Variants in ERH observed in about 807,000 individuals in gnomAD.
ERH encodes the protein ERH mRNA splicing and mitosis factor.
Under a neutral mutation model 16.8 loss-of-function variants are expected in ERH, and 1 was observed. The observed-to-expected ratio is 0.06, with a 90% CI of 0.02 to 0.28. The LOEUF is 0.28. Ranked by LOEUF, ERH falls within the 10% of genes least tolerant of loss-of-function variation. The pLI is 1.00. For synonymous variants in ERH, 43 were observed against 43.6 expected, an observed-to-expected ratio of 0.99 and a Z score of 0.05; for missense variants, 42 against 127.5, an observed-to-expected ratio of 0.33 and a Z score of 3.23.
chr14:69,391,924 A>G (rs992287761), intron 2 of ERH, among the ~76,000 whole-genome samples: 9 of 152,310 alleles, frequency 5.9e-5, no homozygotes, highest in Admixed American at 5.2e-4. Context: ...TTCAACACAT[A>G]CAGTAAACCC....
At position 69,396,330 on chromosome 14, in the gene ERH, C is replaced by T. The variant is rs534261732; in HGVS notation, c.4-1418G>A. ...AGGCTGGAGCGCAAAGGCGCGATCT[C>T]AGCTCACCGCAACCTCTGCTTTCCG... is the stretch of plus-strand genomic sequence containing the variant. On this transcript the variant is annotated intron_variant, in intron 1 of 3. Coordinates refer to ENST00000557016, the MANE Select transcript of ERH (RefSeq NM_004450.3). Among the ~76,000 whole-genome samples, 4 of 152,386 alleles carry T rather than the reference C, an allele frequency of 2.6e-5. No homozygotes were observed. The East Asian group carries it at 7.7e-4, about 29-fold the overall frequency.
chr14:69,391,313 A>G (rs2045922564), intron 2 of ERH, among the ~76,000 whole-genome samples: 1 of 152,172 alleles, frequency 6.6e-6, no homozygotes, highest in African/African-American at 2.4e-5. Flanking sequence ...GAAATCAGCT[A>G]TGCAGCCACA....
chr14:69,397,280 A>G (rs1882366335), intron 1 of ERH, among the ~76,000 whole-genome samples: 1 of 152,190 alleles, frequency 6.6e-6, no homozygotes, highest in Non-Finnish European at 1.5e-5. Flanking sequence ...AGTTTTGGTC[A>G]CTTTCTTCGA....
chr14:69,385,651 G>GA (rs375731964), intron 3 of ERH, among the ~76,000 whole-genome samples: 18,662 of 126,336 alleles, frequency 0.15, 1,236 homozygotes, highest in East Asian at 0.2. Flanking sequence ...TAAAAAAAAG[G>GA]AAAAAAAAAA....
chr14:69,396,890 CAA>C (rs1034881201), intron 1 of ERH, among the ~76,000 whole-genome samples: 1 of 152,206 alleles, frequency 6.6e-6, no homozygotes, highest in Non-Finnish European at 1.5e-5. Context: ...GCTAGCTACT[CAA>C]AAAGTTTCAA....
At chr14:69,383,967 G>A (rs1379976280) in intron 3 of ERH, among the ~76,000 whole-genome samples, 5 of 152,088 alleles carry the variant, frequency 3.3e-5, no homozygotes, top group Non-Finnish European at 7.4e-5. Context: ...GGGTAATATA[G>A]CAAGACCCTG....
At position 69,394,856 on chromosome 14, in the gene ERH, A is replaced by G. The variant is rs1300291323; in HGVS notation, c.60T>C (p.Ala20=). The change falls in exon 2 of 4, where the codon GCT becomes GCC. Residue 20 remains alanine, a synonymous_variant. Coordinates refer to ENST00000557016, the MANE Select transcript of ERH (RefSeq NM_004450.3). ...TGCATTCATTCACAGATTCGTAGTC[A>G]GCATAAGTTCTGCCTTCTGGCCTCT... is the stretch of plus-strand genomic sequence containing the variant. ...PTKRPEGRTY[A]DYESVNECME... is the part of the protein sequence containing the mutation. 1 of 1,613,822 alleles carries G rather than the reference A, an allele frequency of 6.2e-7. No individual in the cohort carries two copies. The highest frequency in any genetic ancestry group is 1.3e-5 in the African/African-American group (1 of 74,944).
At chr14:69,394,037 A>AT (rs1882278650) in intron 2 of ERH, among the ~76,000 whole-genome samples, 1 of 151,910 alleles carries the variant, frequency 6.6e-6, no homozygotes, top group African/African-American at 2.4e-5. Context: ...AAAAAAAAAA[A>AT]GGCCCAGACT....
chr14:69,389,045 T>C (rs117312933), intron 2 of ERH, among the ~76,000 whole-genome samples: 1,528 of 151,658 alleles, frequency 0.01, 12 homozygotes, highest in Non-Finnish European at 0.016. Flanking sequence ...TTGAGATGGA[T>C]TTTTTGCTCT....
At chr14:69,394,737 TG>T in intron 2 of ERH, 87 bp downstream of exon 2, 1 of 772,322 alleles carries the variant, frequency 1.3e-6, no homozygotes. Context: ...CTGGGGTGGA[TG>T]GACTATTAAA....
intron 1 of ERH, chr14:69,397,908 ACTCT>A (rs528486871): frequency 8.1e-4 from 411 of 509,024 alleles, no homozygotes; most frequent in African/African-American, 7.1e-3. Flanking sequence ...ATAGAGTGAG[ACTCT>A]CTATCTCAAA....
In ERH at chr14:69,397,464, A is replaced by AG. The variant is rs1882374130; in HGVS notation, c.3+766_3+767insC. Among the ~76,000 whole-genome samples, 4 of 152,144 alleles carry AG rather than the reference A, an allele frequency of 2.6e-5. 1 individual carries two copies. The highest frequency in any genetic ancestry group is 2.6e-4 in the Admixed American group (4 of 15,278). On this transcript the variant is annotated intron_variant, in intron 1 of 3. Coordinates refer to ENST00000557016, the MANE Select transcript of ERH (RefSeq NM_004450.3). ...GTCTCAAAAACAGGAAAAAAAAAAAAAAGGCAGAGCACAGGAAAACGAAAG... is the reference window on the plus strand; with the variant it reads ...GTCTCAAAAACAGGAAAAAAAAAAAAGAAGGCAGAGCACAGGAAAACGAAAG...
chr14:69,386,173 C>T (rs181136576), intron 3 of ERH, among the ~76,000 whole-genome samples: 7 of 152,262 alleles, frequency 4.6e-5, no homozygotes, highest in African/African-American at 1.4e-4. Context: ...CAAGGAAATG[C>T]GTGTTTTGGA....
At chr14:69,381,408 C>G (rs2045862967) in intron 3 of ERH, among the ~76,000 whole-genome samples, 1 of 152,182 alleles carries the variant, frequency 6.6e-6, no homozygotes, top group Non-Finnish European at 1.5e-5. Flanking sequence ...TTAAGGAAAT[C>G]TTAAACCTAT....
intron 2 of ERH, among the ~76,000 whole-genome samples, chr14:69,391,970 A>G (rs1415748998): frequency 6.6e-6 from 1 of 152,170 alleles, no homozygotes; most frequent in African/African-American, 2.4e-5. Flanking sequence ...ATAATAATCT[A>G]TGAATATTAA....
At chr14:69,389,249 AC>A (rs2045910168) in intron 2 of ERH, among the ~76,000 whole-genome samples, 2 of 151,992 alleles carry the variant, frequency 1.3e-5, no homozygotes, top group South Asian at 4.2e-4. Context: ...CTGGTCTTGA[AC>A]TCTTGACCTC....
intron 1 of ERH, among the ~76,000 whole-genome samples, chr14:69,396,017 A>C (rs1178043235): frequency 6.6e-6 from 1 of 152,186 alleles, no homozygotes; most frequent in Non-Finnish European, 1.5e-5. Context: ...CTTTGTTACA[A>C]ATGTCCCTTG....
chr14:69,394,223 TAAG>T (rs930335080), intron 2 of ERH, among the ~76,000 whole-genome samples: 10 of 150,960 alleles, frequency 6.6e-5, no homozygotes, highest in South Asian at 2.1e-4. Flanking sequence ...ATGTGACAAA[TAAG>T]AAGAGAATAT....
At chr14:69,382,618 T>C (rs1239862502) in intron 3 of ERH, among the ~76,000 whole-genome samples, 1 of 151,380 alleles carries the variant, frequency 6.6e-6, no homozygotes, top group Non-Finnish European at 1.5e-5. Context: ...CGGGCCACAA[T>C]GTCAAGAGAT....
Sources: allele counts gnomAD v4.1 joint callset (sites outside exome capture counted in the v4.1 genomes callset), GRCh38; gene constraint gnomAD v4.1.1; transcripts MANE v1.5; gene names NCBI Gene and HGNC (gene_info 2026-07-23, HGNC 2026-07-21).